FAM131B: variants seen among roughly 807,000 people sequenced by gnomAD.
FAM131B encodes protein FAM131B.
Under a neutral mutation model 42.0 loss-of-function variants are expected in FAM131B, and 19 were observed. That is an observed-to-expected ratio of 0.45 (90% CI 0.32 to 0.66). The LOEUF (loss-of-function observed/expected upper bound fraction) is 0.66, where lower values mean the gene tolerates loss of function less well. Among genes scored for constraint, FAM131B ranks in the 30% least tolerant of loss-of-function variants. FAM131B has a pLI of 0.05. For missense variants in FAM131B, 370 were observed against 468.4 expected, an observed-to-expected ratio of 0.79 and a Z score of 1.94; for synonymous variants, 183 against 177.6, an observed-to-expected ratio of 1.03 and a Z score of -0.24.
chr7:143,362,845 C>T (rs1358400312), upstream of FAM131B: 1 of 150,154 alleles, frequency 6.7e-6, no homozygotes, highest in African/African-American at 2.5e-5. This position sits in a 1 kb window ranked among gnomAD's most constrained non-coding sequence, Gnocchi z 7.7. Flanking sequence ...AGGGGGCGGC[C>T]CGGGGATTGG....
At chr7:143,371,764 G>T in the FAM131B span, among the ~76,000 whole-genome samples, 1 of 152,124 alleles carries the variant, frequency 6.6e-6, no homozygotes, top group Admixed American at 6.6e-5. Flanking sequence ...GGAGATAATG[G>T]GGTGATCCAT....
At chr7:143,357,203 G>A (rs909508116) in intron 6 of FAM131B, 77 bp downstream of exon 6, 30 of 1,455,152 alleles carry the variant, frequency 2.1e-5, no homozygotes, top group South Asian at 1.1e-4. Context: ...TTAAAAGAAC[G>A]GAGCTGAGTG....
chr7:143,359,530 G>T lies in FAM131B; in HGVS notation c.175-111C>A. On this transcript the variant is annotated intron_variant, in intron 3 of 6. Transcript: ENST00000443739. The surrounding 1 kb of genome is among the most constrained non-coding windows in gnomAD (Gnocchi z 5.4). ...AAAAAGCATTCGAGCTAGGGCAGATGATAAGAAAAGCTACTATACCCAAGA... is the reference window on the plus strand; with the variant it reads ...AAAAAGCATTCGAGCTAGGGCAGATTATAAGAAAAGCTACTATACCCAAGA... The T allele has an allele frequency of 3.0e-6, 3 of 991,248 alleles. No homozygotes were observed. Among genetic ancestry groups the T allele is most frequent in the Non-Finnish European group, 4.7e-6 (3 of 632,722 alleles). 61.4% of individuals were successfully genotyped at this position (991,248 alleles called of 1,614,324 possible).
the FAM131B span, among the ~76,000 whole-genome samples, chr7:143,369,360 T>A: frequency 6.7e-6 from 1 of 149,070 alleles, no homozygotes; most frequent in Admixed American, 6.6e-5. Flanking sequence ...CTGTTCAACT[T>A]CTTGCAGATA....
chr7:143,365,836 T>G (rs756816501), upstream of FAM131B, among the ~76,000 whole-genome samples: 16 of 152,204 alleles, frequency 1.1e-4, no homozygotes, highest in Non-Finnish European at 1.3e-4. Context: ...CTAGAACTCC[T>G]GGCCTCAAGA....
At chr7:143,376,444 G>A in the FAM131B span, among the ~76,000 whole-genome samples, 1 of 152,220 alleles carries the variant, frequency 6.6e-6, no homozygotes, top group Non-Finnish European at 1.5e-5. Flanking sequence ...GAGGGAAAGT[G>A]TATAGGGGAT....
At chr7:143,365,569 A>G (rs1804162268), upstream of FAM131B, among the ~76,000 whole-genome samples, 1 of 152,146 alleles carries the variant, frequency 6.6e-6, no homozygotes, top group Admixed American at 6.6e-5. Context: ...TCCCAGTTGG[A>G]AAGAGAAAAA....
At chr7:143,376,085 T>G in the FAM131B span, among the ~76,000 whole-genome samples, 1 of 152,176 alleles carries the variant, frequency 6.6e-6, no homozygotes, top group South Asian at 2.1e-4. Context: ...CTTCTCCTGC[T>G]TCTCTGACCT....
Position 143,359,254 on chromosome 7 carries a change from A to T in FAM131B, c.268+72T>A, listed in dbSNP as rs1803834207. The T allele has an allele frequency of 7.9e-7, 1 of 1,265,736 alleles. No individual in the cohort carries two copies. The highest frequency in any genetic ancestry group is 2.3e-5 in the East Asian group (1 of 42,566). 78.4% of individuals were successfully genotyped at this position (1,265,736 alleles called of 1,614,324 possible). On this transcript the variant is annotated intron_variant, in intron 4 of 6. Transcript: ENST00000443739. The surrounding 1 kb of genome is among the most constrained non-coding windows in gnomAD (Gnocchi z 5.4). Reference sequence around the variant, plus strand: ...TGAGGGTCTTCATCAACCTCGAAGGAGCAGGGAGACTGAGCCAAGGAGTCT... The same window carrying T: ...TGAGGGTCTTCATCAACCTCGAAGGTGCAGGGAGACTGAGCCAAGGAGTCT...
chr7:143,359,890 C>G lies in FAM131B; in HGVS notation c.139-123G>C. 2.8e-6 allele frequency: 3 copies of G among 1,062,912 alleles called. No homozygotes were observed. Among genetic ancestry groups the G allele is most frequent in the East Asian group, 2.6e-5 (1 of 38,622 alleles). 65.8% of individuals were successfully genotyped at this position (1,062,912 alleles called of 1,614,324 possible). On this transcript the variant is annotated intron_variant, in intron 2 of 6. Transcript: ENST00000443739. This position sits in a 1 kb window ranked among gnomAD's most constrained non-coding sequence, Gnocchi z 5.4. ...GGGAGGGCTTTCCTGAGGTTGATGC[C>G]GCTAACTGGGTTCTCCATGTGGACT...
chr7:143,381,609 C>T, the FAM131B span: 6 of 1,611,802 alleles, frequency 3.7e-6, no homozygotes, highest in Non-Finnish European at 5.1e-6. Context: ...ATCTCCGTTT[C>T]GGTCTCGGCT....
At position 143,359,819 on chromosome 7, in the gene FAM131B, A is replaced by T; in HGVS notation, c.139-52T>A. 1 of 1,522,636 alleles carries T rather than the reference A, an allele frequency of 6.6e-7. No homozygotes were observed. Among genetic ancestry groups the T allele is most frequent in the Non-Finnish European group, 8.9e-7 (1 of 1,121,648 alleles). The allele number at this position is 1,522,636 out of a possible 1,614,324, so 94.3% of individuals were successfully genotyped here. A position where few individuals can be genotyped will look rare whatever the true frequency, so the allele number is the denominator to read the frequency against. On this transcript the variant is annotated intron_variant, in intron 2 of 6. Coordinates refer to ENST00000443739, the MANE Select transcript of FAM131B (RefSeq NM_001031690.3). This position sits in a 1 kb window ranked among gnomAD's most constrained non-coding sequence, Gnocchi z 5.4. Reference sequence around the variant, plus strand: ...GCATCCCAGTCACTCGCAGGAATGCAAGGAAGCCCCCTTCCTCAGAGGGCC... The same window carrying T: ...GCATCCCAGTCACTCGCAGGAATGCTAGGAAGCCCCCTTCCTCAGAGGGCC...
upstream of FAM131B, among the ~76,000 whole-genome samples, chr7:143,364,947 A>T (rs1804146298): frequency 6.6e-6 from 1 of 152,232 alleles, no homozygotes; most frequent in African/African-American, 2.4e-5. Context: ...CCCAGGAATA[A>T]TTGTAGGTAC....
Position 143,362,550 on chromosome 7 carries a change from T to G in FAM131B, c.28+26A>C. The G allele has an allele frequency of 8.4e-7, 1 of 1,191,334 alleles. No individual in the cohort carries two copies. 73.8% of individuals were successfully genotyped at this position (1,191,334 alleles called of 1,614,324 possible). ...GAGGGCGGCCCGGGGGGCCCAGCCC[T>G]GCCCCCGCCCGGCCGCGGTACCCAC... On this transcript the variant is annotated intron_variant, in intron 1 of 6. Coordinates refer to ENST00000443739, the MANE Select transcript of FAM131B (RefSeq NM_001031690.3). This position sits in a 1 kb window ranked among gnomAD's most constrained non-coding sequence, Gnocchi z 7.7.
chr7:143,381,747 G>C, the FAM131B span: 2 of 1,588,268 alleles, frequency 1.3e-6, no homozygotes, highest in Non-Finnish European at 1.7e-6. Flanking sequence ...CAGATGGGCC[G>C]GGTGGGCGAG....
In FAM131B at chr7:143,356,382, C is replaced by G. The variant is rs1803652991; in HGVS notation, c.*168G>C. The G allele has an allele frequency of 1.6e-6, 1 of 608,498 alleles. No individual in the cohort carries two copies. Among genetic ancestry groups the G allele is most frequent in the Non-Finnish European group, 2.9e-6 (1 of 345,980 alleles). The allele number at this position is 608,498 out of a possible 1,614,324, so 37.7% of individuals were successfully genotyped here. A position where few individuals can be genotyped will look rare whatever the true frequency, so the allele number is the denominator to read the frequency against. On this transcript the variant is annotated 3_prime_UTR_variant, in exon 7 of 7. Transcript: ENST00000443739. The surrounding 1 kb of genome is among the most constrained non-coding windows in gnomAD (Gnocchi z 4.4). ...GCCTGTGGGTTTCTAGAGTGTAAGC[C>G]TGGATAAAATCCCATCCTGGTCCTC...
the FAM131B span, among the ~76,000 whole-genome samples, chr7:143,374,020 G>A: frequency 6.6e-6 from 1 of 152,014 alleles, no homozygotes; most frequent in African/African-American, 2.4e-5. Context: ...ACCATAAAAT[G>A]CTAGAATCCA....
the FAM131B span, among the ~76,000 whole-genome samples, chr7:143,377,093 G>A: frequency 6.6e-6 from 1 of 152,086 alleles, no homozygotes; most frequent in Admixed American, 6.5e-5. Flanking sequence ...TCGTAGCTGG[G>A]ATTACAGGCG....
At chr7:143,381,536 T>C in the FAM131B span, 1 of 1,594,094 alleles carries the variant, frequency 6.3e-7, no homozygotes, top group African/African-American at 1.3e-5. Flanking sequence ...CCGCGCTGCG[T>C]AACCCGGCGA....
Sources: allele counts gnomAD v4.1 joint callset (sites outside exome capture counted in the v4.1 genomes callset), GRCh38; gene constraint gnomAD v4.1.1; non-coding constraint Gnocchi (gnomAD v3.1); transcripts MANE v1.5; gene names NCBI Gene and HGNC (gene_info 2026-07-23, HGNC 2026-07-21).